PPP3CC: variants seen among roughly 807,000 people sequenced by gnomAD.
PPP3CC encodes the protein serine/threonine-protein phosphatase 2B catalytic subunit gamma isoform.
In PPP3CC, 35 loss-of-function variants were observed where a neutral mutation model predicts 60.3. The ratio of observed to expected loss-of-function variants is 0.58; its 90% CI spans 0.44 to 0.77. The LOEUF (loss-of-function observed/expected upper bound fraction) is 0.77, where lower values mean the gene tolerates loss of function less well. Among genes scored for constraint, PPP3CC ranks in the 30% least tolerant of loss-of-function variants. PPP3CC has a pLI of 0.00. For missense variants in PPP3CC, 570 were observed against 628.9 expected, an observed-to-expected ratio of 0.91 and a Z score of 1.00; for synonymous variants, 206 against 224.3, an observed-to-expected ratio of 0.92 and a Z score of 0.73.
intron 4 of PPP3CC, among the ~76,000 whole-genome samples, chr8:22,507,054 G>C (rs1341196327): frequency 6.6e-6 from 1 of 152,140 alleles, no homozygotes; most frequent in Non-Finnish European, 1.5e-5. Context: ...AGGAGTTCTA[G>C]GTTGCAGTAA....
At chr8:22,456,286 G>A (rs1226561771) in intron 1 of PPP3CC, among the ~76,000 whole-genome samples, 1 of 152,136 alleles carries the variant, frequency 6.6e-6, no homozygotes, top group Non-Finnish European at 1.5e-5. Context: ...TTTTACTTGT[G>A]TTTACCTGAA....
intron 1 of PPP3CC, among the ~76,000 whole-genome samples, chr8:22,447,809 G>A (rs541486211): frequency 6.6e-6 from 1 of 152,190 alleles, no homozygotes; most frequent in Admixed American, 6.5e-5. Context: ...TTATCCTGAA[G>A]TCTTTTAGTT....
rs554077124 is a variant in PPP3CC, at chr8:22,497,276, G to A, written c.373-725G>A. ...ACTCCCGACCTCCGGTGATCTGCCC[G>A]CCTTGGCCTCCCAAAGTGCTGAGAT... On this transcript the variant is annotated intron_variant, in intron 3 of 13. Coordinates refer to ENST00000240139, the MANE Select transcript of PPP3CC (RefSeq NM_005605.5). Among the ~76,000 whole-genome samples, 210 of 151,918 alleles carry A rather than the reference G, an allele frequency of 1.4e-3. 1 individual carries two copies. Among genetic ancestry groups the A allele is most frequent in the Non-Finnish European group, 2.5e-3 (170 of 67,960 alleles).
chr8:22,501,518 G>C (rs1838761800), intron 4 of PPP3CC, among the ~76,000 whole-genome samples: 1 of 152,168 alleles, frequency 6.6e-6, no homozygotes, highest in African/African-American at 2.4e-5. Flanking sequence ...GTAGGATTAA[G>C]GTCCCTGTTG....
intron 3 of PPP3CC, among the ~76,000 whole-genome samples, chr8:22,488,192 T>C (rs1838281157): frequency 6.6e-6 from 1 of 152,220 alleles, no homozygotes; most frequent in African/African-American, 2.4e-5. Context: ...GAGAAGTGCA[T>C]TCTAAATTTG....
chr8:22,513,558 TAGG>T, intron 6 of PPP3CC, 126 bp downstream of exon 6: 1 of 1,088,024 alleles, frequency 9.2e-7, no homozygotes, highest in African/African-American at 1.6e-5. Flanking sequence ...TTTCGATTAA[TAGG>T]AGGCAAGAAA....
chr8:22,457,995 G>A (rs922110365), intron 1 of PPP3CC, among the ~76,000 whole-genome samples: 4 of 152,150 alleles, frequency 2.6e-5, no homozygotes, highest in African/African-American at 9.7e-5. Flanking sequence ...GGAGGCTGAG[G>A]CAGGAGAACC....
intron 3 of PPP3CC, among the ~76,000 whole-genome samples, chr8:22,479,193 T>C (rs1056376838): frequency 6.6e-6 from 1 of 151,684 alleles, no homozygotes; most frequent in African/African-American, 2.4e-5. Flanking sequence ...TAGATGAAAA[T>C]AAGGTCATGG....
intron 4 of PPP3CC, among the ~76,000 whole-genome samples, chr8:22,501,032 C>G (rs765241404): frequency 6.6e-6 from 1 of 152,034 alleles, no homozygotes; most frequent in Admixed American, 6.6e-5. Context: ...GAGGCACTTA[C>G]CTATAGTCCC....
rs755264247 is a variant in PPP3CC, at chr8:22,540,782, G to A, written c.1519G>A (p.Gly507Arg). 2 of 1,611,748 alleles carry A rather than the reference G, an allele frequency of 1.2e-6. No individual in the cohort carries two copies. ...ACATGCTGCGCACAGGAGCGACCAA[G>A]GGAAGAAAGCCCATTCATGACTTAG... ...HSHAAHRSDQ[G>R]KKAHS Residue 507 changes from glycine to arginine, a missense_variant, in exon 14 of 14, where the codon GGG (glycine) becomes AGG (arginine). Gly to Arg is a moderately radical substitution (Grantham distance 125). Transcript: ENST00000240139.
chr8:22,540,586 C>T, intron 13 of PPP3CC, 29 bp from the exon 14 acceptor site: 3 of 1,601,264 alleles, frequency 1.9e-6, no homozygotes, highest in Non-Finnish European at 2.6e-6. Context: ...TAATTGAGCT[C>T]TCTCCACCTG....
At chr8:22,494,417 G>A (rs1838501964) in intron 3 of PPP3CC, among the ~76,000 whole-genome samples, 1 of 152,176 alleles carries the variant, frequency 6.6e-6, no homozygotes, top group Admixed American at 6.5e-5. Context: ...TCCCCTGGGT[G>A]TGGGAATTCT....
intron 13 of PPP3CC, 98 bp from the exon 14 acceptor site, chr8:22,540,517 T>TTTCTCTAGGAGGTTGCTGTGTGC: frequency 8.3e-7 from 1 of 1,206,262 alleles, no homozygotes; most frequent in Non-Finnish European, 1.2e-6. Flanking sequence ...TTTCTGTGTG[T>TTTCTCTAGGAGGTTGCTGTGTGC]TTCTCTAGGA....
At chr8:22,459,402 T>C (rs1463969232) in intron 1 of PPP3CC, among the ~76,000 whole-genome samples, 5 of 152,186 alleles carry the variant, frequency 3.3e-5, no homozygotes, top group Non-Finnish European at 4.4e-5. Context: ...TATGTAAGAT[T>C]AGAGTAGATT....
intron 1 of PPP3CC, among the ~76,000 whole-genome samples, chr8:22,471,941 G>A (rs1400797824): frequency 1.3e-5 from 2 of 151,902 alleles, no homozygotes; most frequent in Admixed American, 1.3e-4. Flanking sequence ...AGTCTGGGGA[G>A]CGTGGCAAAA....
intron 6 of PPP3CC, 105 bp downstream of exon 6, chr8:22,513,537 C>A: frequency 7.9e-7 from 1 of 1,261,716 alleles, no homozygotes; most frequent in Non-Finnish European, 1.0e-6. Context: ...TATAAGCACT[C>A]CTGTTTAATT....
chr8:22,509,475 C>T (rs994316128), intron 4 of PPP3CC, among the ~76,000 whole-genome samples: 11 of 152,320 alleles, frequency 7.2e-5, no homozygotes, highest in Non-Finnish European at 1.3e-4. Flanking sequence ...CTTCTCTACC[C>T]ACACACATCC....
intron 8 of PPP3CC, among the ~76,000 whole-genome samples, chr8:22,525,452 C>T (rs1839516827): frequency 6.6e-6 from 1 of 151,584 alleles, no homozygotes; most frequent in Non-Finnish European, 1.5e-5. Flanking sequence ...CTCTTTCTCT[C>T]TCTCTTTCTT....
At chr8:22,509,561 T>G (rs1255471032) in intron 4 of PPP3CC, among the ~76,000 whole-genome samples, 1 of 152,212 alleles carries the variant, frequency 6.6e-6, no homozygotes, top group African/African-American at 2.4e-5. Context: ...AACACCCATT[T>G]TCCAGTTTCC....
Sources: gnomAD v4.1 joint callset for allele counts (sites outside exome capture counted in the v4.1 genomes callset) on GRCh38, gnomAD v4.1.1 for gene constraint, MANE v1.5 for transcripts, NCBI Gene and HGNC (gene_info 2026-07-23, HGNC 2026-07-21) for gene names.